The following LHX2 variants were observed in gnomAD, a reference collection of about 807,000 sequenced individuals.
LHX2 encodes the protein LIM homeobox 2.
In LHX2, 6 loss-of-function variants were observed where a neutral mutation model predicts 33.0. The observed-to-expected ratio is 0.18, with a 90% CI of 0.10 to 0.36. The LOEUF (loss-of-function observed/expected upper bound fraction) is 0.36. Among genes scored for constraint, LHX2 ranks in the 10% least tolerant of loss-of-function variants. The pLI, the probability that LHX2 is intolerant of heterozygous loss-of-function variation, is 1.00. For synonymous variants in LHX2, 292 were observed against 253.1 expected, an observed-to-expected ratio of 1.15 and a Z score of -1.46; for missense variants, 442 against 586.2, an observed-to-expected ratio of 0.75 and a Z score of 2.54.
rs1288350036 is a variant in LHX2 at position 124,015,091 on chromosome 9, C to G, written c.324-31C>G. On this transcript the variant is annotated intron_variant, in intron 2 of 4. Transcript: ENST00000373615. The surrounding 1 kb of genome is among the most constrained non-coding windows in gnomAD (Gnocchi z 7.9). ...AAAGGGGGGTACCCAACCGTGTGTT[C>G]CCACAGCCCCTCCCTCCATGGTCCC... 1.9e-6 allele frequency: 3 copies of G among 1,604,900 alleles called. No homozygotes were observed. Among genetic ancestry groups the G allele is most frequent in the Non-Finnish European group, 2.5e-6 (3 of 1,178,350 alleles).
rs1828720604 is a variant in LHX2 at position 124,032,874 on chromosome 9, G to A, written c.*167G>A. 3.0e-6 allele frequency: 2 copies of A among 670,754 alleles called. No homozygotes were observed. Among genetic ancestry groups the A allele is most frequent in the African/African-American group, 1.8e-5 (1 of 54,542 alleles). The allele number at this position is 670,754 out of a possible 1,614,324, so 41.6% of individuals were successfully genotyped here. On this transcript the variant is annotated 3_prime_UTR_variant, in exon 5 of 5. Transcript: ENST00000373615. This position sits in a 1 kb window ranked among gnomAD's most constrained non-coding sequence, Gnocchi z 4.1. ...GAAGTGTGCGCCCGGCTAATGCAGC[G>A]GTGTGGACCGAGGAACAACTTGGAA...
rs777152260 is a variant in LHX2 at position 124,032,645 on chromosome 9, G to C, written c.1159G>C (p.Gly387Arg). The C allele has an allele frequency of 6.2e-7, 1 of 1,613,822 alleles. No individual in the cohort carries two copies. The highest frequency in any genetic ancestry group is 1.1e-5 in the South Asian group (1 of 91,032). The change falls in exon 5 of 5, where the codon GGC becomes CGC. Residue 387 changes from glycine (G) to arginine (R), a missense_variant. Gly to Arg is a moderately radical substitution (Grantham distance 125). Transcript: ENST00000373615. This position sits in a 1 kb window ranked among gnomAD's most constrained non-coding sequence, Gnocchi z 4.1. ...TVTSVLTSVP[G>R]NLEGHEPHSP... Reference sequence around the variant, plus strand: ...GACGTCCGTCTTAACTTCTGTGCCTGGCAACCTGGAGGGCCATGAGCCTCA... The same window carrying C: ...GACGTCCGTCTTAACTTCTGTGCCTCGCAACCTGGAGGGCCATGAGCCTCA...
At chr9:124,029,662 G>A (rs1828681399) in intron 4 of LHX2, among the ~76,000 whole-genome samples, 1 of 152,184 alleles carries the variant, frequency 6.6e-6, no homozygotes, top group African/African-American at 2.4e-5. Flanking sequence ...TGGAGCCCCG[G>A]ATGGATGAGC....
chr9:124,023,379 C>G (rs12338102), intron 4 of LHX2, among the ~76,000 whole-genome samples: 3,131 of 152,296 alleles, frequency 0.021, 64 homozygotes, highest in African/African-American at 0.057. Context: ...ACATTCAAAG[C>G]CCTCCTGGGC....
rs897150854 is a variant in LHX2 at position 124,015,597 on chromosome 9, G to A, written c.727+72G>A. 20 of 1,412,792 alleles carry A rather than the reference G, an allele frequency of 1.4e-5. 1 individual carries two copies. The Admixed American group carries it at 5.2e-4, about 37-fold the overall frequency. The allele number at this position is 1,412,792 out of a possible 1,614,324, so 87.5% of individuals were successfully genotyped here. A position where few individuals can be genotyped will look rare whatever the true frequency, so the allele number is the denominator to read the frequency against. ...GTGCGGCCTCGACGGCCGGGAGCTG[G>A]ATTGAATCTCTGTGTGCTGGGCAAA... On this transcript the variant is annotated intron_variant, in intron 3 of 4. Transcript: ENST00000373615. This position sits in a 1 kb window ranked among gnomAD's most constrained non-coding sequence, Gnocchi z 7.9.
rs1859158168 is a variant in LHX2 at position 124,014,946 on chromosome 9, C to T, written c.324-176C>T. ...TGTGTTAAGGGAAACTATTTTAGGACAGGACCAGGCCTGGGTCAAAATCTA... is the reference window on the plus strand; with the variant it reads ...TGTGTTAAGGGAAACTATTTTAGGATAGGACCAGGCCTGGGTCAAAATCTA... On this transcript the variant is annotated intron_variant, in intron 2 of 4. Coordinates refer to ENST00000373615, the MANE Select transcript of LHX2 (RefSeq NM_004789.4). The surrounding 1 kb of genome is among the most constrained non-coding windows in gnomAD (Gnocchi z 4.8). Among the ~76,000 whole-genome samples the T allele has an allele frequency of 1.3e-5, 2 of 152,128 alleles. No individual in the cohort carries two copies. The highest frequency in any genetic ancestry group is 4.8e-5 in the African/African-American group (2 of 41,420).
rs573946877 is a variant in LHX2, at chr9:124,020,563, C to G, written c.728-536C>G. On this transcript the variant is annotated intron_variant, in intron 3 of 4. Transcript: ENST00000373615. ...GGGGAGACGGCAGAAAGCACTCCTC[C>G]TTAGAGTGCCTTGGAAAACAGGAGG... is the stretch of plus-strand genomic sequence containing the variant. 1.9e-3 allele frequency among the ~76,000 whole-genome samples: 284 copies of G among 152,248 alleles called. 1 individual carries two copies. Among genetic ancestry groups the G allele is most frequent in the African/African-American group, 6.8e-3 (282 of 41,542 alleles).
At chr9:124,018,697 T>G (rs1859239683) in intron 3 of LHX2, among the ~76,000 whole-genome samples, 1 of 152,226 alleles carries the variant, frequency 6.6e-6, no homozygotes, top group Non-Finnish European at 1.5e-5. Flanking sequence ...CTTGCTGTCT[T>G]TGTAGCTGTC....
At chr9:124,027,884 A>G (rs544920082) in intron 4 of LHX2, among the ~76,000 whole-genome samples, 1 of 150,034 alleles carries the variant, frequency 6.7e-6, no homozygotes, top group African/African-American at 2.4e-5. Context: ...TTATGAAGGT[A>G]CAATACCAGA....
Position 124,023,900 on chromosome 9 carries a change from G to T in LHX2, c.933+2596G>T, listed in dbSNP as rs144314501. Reference sequence around the variant, plus strand: ...ATCCGTTGGGGCACCTACTGAGGGAGCCCAGAGGAAGGACCAACCATGCTG... The same window carrying T: ...ATCCGTTGGGGCACCTACTGAGGGATCCCAGAGGAAGGACCAACCATGCTG... On this transcript the variant is annotated intron_variant, in intron 4 of 4. Coordinates refer to ENST00000373615, the MANE Select transcript of LHX2 (RefSeq NM_004789.4). Among the ~76,000 whole-genome samples, 3 of 152,286 alleles carry T rather than the reference G, an allele frequency of 2.0e-5. No homozygotes were observed. The East Asian group carries it at 5.8e-4, about 29-fold the overall frequency.
Position 124,015,295 on chromosome 9 carries a change from G to A in LHX2, c.497G>A (p.Arg166His), listed in dbSNP as rs1318426104. The A allele has an allele frequency of 9.3e-6, 15 of 1,614,102 alleles. No homozygotes were observed. The highest frequency in any genetic ancestry group is 2.2e-5 in the South Asian group (2 of 91,092). The change falls in exon 3 of 5, where the codon CGC becomes CAC. Residue 166 changes from arginine to histidine, a missense_variant. Coordinates refer to ENST00000373615, the MANE Select transcript of LHX2 (RefSeq NM_004789.4). The surrounding 1 kb of genome is among the most constrained non-coding windows in gnomAD (Gnocchi z 7.9). ...FGMKDSLVYC[R>H]LHFEALLQGE... ...ATGAAGGACAGCCTGGTCTACTGCC[G>A]CTTGCACTTCGAGGCGCTGCTGCAG...
intron 4 of LHX2, among the ~76,000 whole-genome samples, chr9:124,029,340 C>T: frequency 6.6e-6 from 1 of 152,118 alleles, no homozygotes; most frequent in East Asian, 1.9e-4. Context: ...CACCGGGGGA[C>T]ATGAAGATAG....
At chr9:124,030,627 C>CTTTTTTTTTTTTT (rs35399092) in intron 4 of LHX2, among the ~76,000 whole-genome samples, 47 of 105,574 alleles carry the variant, frequency 4.5e-4, no homozygotes, top group African/African-American at 9.5e-4. Context: ...TTTTTCTTTT[C>CTTTTTTTTTTTTT]TTTTTTTTTT....
chr9:124,020,268 T>C (rs1467545991), intron 3 of LHX2, among the ~76,000 whole-genome samples: 1 of 152,154 alleles, frequency 6.6e-6, no homozygotes, highest in Non-Finnish European at 1.5e-5. Flanking sequence ...TACATGTTTA[T>C]TTCTGCCTCG....
Position 124,032,527 on chromosome 9 carries a change from G to C in LHX2, c.1041G>C (p.Ser347=). ...CGGCGCTGCAGACAGGGACGCCATC[G>C]GGCCCGGCCTCGGAGCTCTCCAACG... is the stretch of plus-strand genomic sequence containing the variant. ...TDAALQTGTP[S]GPASELSNAS... is the part of the protein sequence containing the mutation. Residue 347 remains serine, a synonymous_variant, in exon 5 of 5, where the codon TCG becomes TCC. Transcript: ENST00000373615. The surrounding 1 kb of genome is among the most constrained non-coding windows in gnomAD (Gnocchi z 4.1). 1.9e-6 allele frequency: 3 copies of C among 1,613,886 alleles called. No individual in the cohort carries two copies. The highest frequency in any genetic ancestry group is 2.5e-6 in the Non-Finnish European group (3 of 1,179,998).
rs76019213 is a variant in LHX2, at chr9:124,013,602, G to T, written c.121-359G>T. Among the ~76,000 whole-genome samples, 1,266 of 152,390 alleles carry T rather than the reference G, an allele frequency of 8.3e-3. 20 individuals are homozygous for T. The highest frequency in any genetic ancestry group is 0.029 in the African/African-American group (1,188 of 41,594). On this transcript the variant is annotated intron_variant, in intron 1 of 4. Transcript: ENST00000373615. Reference sequence around the variant, plus strand: ...TCATTTAAGAAGCAGTTTAGGGAAAGCTCTTGGAGGGCTTGACTGGAGTAG... The same window carrying T: ...TCATTTAAGAAGCAGTTTAGGGAAATCTCTTGGAGGGCTTGACTGGAGTAG...
At position 124,015,668 on chromosome 9, in the gene LHX2, C is replaced by A. The variant is rs141488082; in HGVS notation, c.727+143C>A. ...ACGGCCTCGCAGAAGGGACATTAGC[C>A]CCCTGGGCTTCCAGACTGTGCGTCC... On this transcript the variant is annotated intron_variant, in intron 3 of 4. Transcript: ENST00000373615. This position sits in a 1 kb window ranked among gnomAD's most constrained non-coding sequence, Gnocchi z 7.9. The A allele has an allele frequency of 0.013, 11,655 of 914,018 alleles. 157 individuals are homozygous for A. The highest frequency in any genetic ancestry group is 0.012 in the Non-Finnish European group (7,842 of 635,678). The allele number at this position is 914,018 out of a possible 1,614,324, so 56.6% of individuals were successfully genotyped here. A position where few individuals can be genotyped will look rare whatever the true frequency, so the allele number is the denominator to read the frequency against.
Position 124,029,450 on chromosome 9 carries a change from C to T in LHX2, c.934-2970C>T, listed in dbSNP as rs146075909. Reference sequence around the variant, plus strand: ...AAGCCCTGACAACATGAAGAACAAACCCCACACAACCCCAGAGCAGCCGGG... The same window carrying T: ...AAGCCCTGACAACATGAAGAACAAATCCCACACAACCCCAGAGCAGCCGGG... On this transcript the variant is annotated intron_variant, in intron 4 of 4. Transcript: ENST00000373615. Among the ~76,000 whole-genome samples the T allele has an allele frequency of 2.6e-3, 394 of 152,242 alleles. 1 individual carries two copies. The highest frequency in any genetic ancestry group is 9.1e-3 in the African/African-American group (379 of 41,530).
rs531094349 is a variant in LHX2, at chr9:124,019,851, G to A, written c.728-1248G>A. The stretch of plus-strand genomic sequence containing the variant: ...ACCTTAAGTGTGGCATGGCTCGGGA[G>A]GTGCCATGAGGAGGCGACCTTGGGA... On this transcript the variant is annotated intron_variant, in intron 3 of 4. Coordinates refer to ENST00000373615, the MANE Select transcript of LHX2 (RefSeq NM_004789.4). Among the ~76,000 whole-genome samples the A allele has an allele frequency of 2.6e-5, 4 of 152,310 alleles. No homozygotes were observed. In the South Asian group the frequency reaches 8.3e-4, roughly 32 times the overall value.
Sources: gnomAD v4.1 joint callset for allele counts (sites outside exome capture counted in the v4.1 genomes callset) on GRCh38, gnomAD v4.1.1 for gene constraint, Gnocchi (gnomAD v3.1) non-coding constraint, MANE v1.5 for transcripts, NCBI Gene and HGNC (gene_info 2026-07-23, HGNC 2026-07-21) for gene names.